The following SLC4A7 variants were observed in gnomAD, a reference collection of about 807,000 sequenced individuals.
The protein encoded by SLC4A7 is sodium bicarbonate cotransporter 3.
In SLC4A7, 51 loss-of-function variants were observed where a neutral mutation model predicts 137.6. That is an observed-to-expected ratio of 0.37 (90% CI 0.30 to 0.47). The LOEUF (loss-of-function observed/expected upper bound fraction) is 0.47. Among genes scored for constraint, SLC4A7 ranks in the 20% least tolerant of loss-of-function variants. The pLI is 1.00. For missense variants in SLC4A7, 1,247 were observed against 1,525.4 expected (o/e 0.82, Z 3.04); for synonymous variants, 542 against 518.6 (o/e 1.05, Z -0.61).
intron 2 of SLC4A7, among the ~76,000 whole-genome samples, chr3:27,449,298 T>C (rs2057902850): frequency 6.6e-6 from 1 of 151,266 alleles, no homozygotes; most frequent in Non-Finnish European, 1.5e-5. Flanking sequence ...CCATAGTTAG[T>C]AGAGGTCCTT....
At chr3:27,465,160 G>C (rs557944819) in intron 1 of SLC4A7, among the ~76,000 whole-genome samples, 1 of 151,584 alleles carries the variant, frequency 6.6e-6, no homozygotes, top group South Asian at 2.1e-4. Context: ...TTATCCAGGC[G>C]TGCCTGTAAT....
chr3:27,383,307 G>C, intron 23 of SLC4A7, 57 bp from the exon 24 acceptor site: 1 of 1,248,384 alleles, frequency 8.0e-7, no homozygotes, highest in Non-Finnish European at 1.2e-6. Context: ...CAAGAGAATT[G>C]ACTAATTTAT....
Position 27,431,664 on chromosome 3 carries a change from C to T in SLC4A7, c.784G>A (p.Gly262Ser). 1 of 1,553,122 alleles carries T rather than the reference C, an allele frequency of 6.4e-7. No individual in the cohort carries two copies. Among genetic ancestry groups the T allele is most frequent in the Non-Finnish European group, 8.7e-7 (1 of 1,150,074 alleles). Reference sequence around the variant, plus strand: ...AAAGAGTGGCGGGAGGCTGAAAGGCCTTCCCCTGAGATAAAACAAATAAAT... The same window carrying T: ...AAAGAGTGGCGGGAGGCTGAAAGGCTTTCCCCTGAGATAAAACAAATAAAT... The part of the protein sequence containing the change: ...DPHLLERNGE[G>S]LSASRHSLRT... The change falls in exon 7 of 26, where the codon GGC becomes AGC. Residue 262 changes from glycine to serine, a missense_variant. By Grantham distance (56) the Gly-to-Ser change is moderately conservative. This residue lies in a region of SLC4A7 where 223 missense variants were observed against 203.6 expected (regional missense o/e 1.10). Transcript: ENST00000454389.
chr3:27,402,556 T>C (rs2052877898), intron 15 of SLC4A7, among the ~76,000 whole-genome samples: 1 of 151,962 alleles, frequency 6.6e-6, no homozygotes, highest in Admixed American at 6.6e-5. Context: ...AAAAATTAGC[T>C]AGGCACGGTG....
intron 22 of SLC4A7, among the ~76,000 whole-genome samples, chr3:27,389,166 T>C (rs1033656745): frequency 1.3e-5 from 2 of 152,172 alleles, no homozygotes; most frequent in African/African-American, 4.8e-5. Context: ...GCATACACCT[T>C]CCTCTCAGTG....
chr3:27,437,991 G>A (rs1465991234), intron 3 of SLC4A7, among the ~76,000 whole-genome samples: 2 of 152,132 alleles, frequency 1.3e-5, no homozygotes, highest in African/African-American at 4.8e-5. Context: ...GAGGTCAGGA[G>A]CTCGAGACCA....
chr3:27,444,843 T>C (rs767152495), intron 3 of SLC4A7, among the ~76,000 whole-genome samples: 3 of 152,234 alleles, frequency 2.0e-5, no homozygotes, highest in Non-Finnish European at 4.4e-5. Context: ...ATATCCCTGA[T>C]AATTTTTGGA....
intron 7 of SLC4A7, 120 bp downstream of exon 7, chr3:27,431,178 G>T: frequency 1.9e-6 from 2 of 1,062,324 alleles, no homozygotes; most frequent in Non-Finnish European, 2.6e-6. Context: ...ACATGCAGAA[G>T]TCAAAATAAA....
intron 1 of SLC4A7, among the ~76,000 whole-genome samples, chr3:27,461,076 T>G (rs2150621573): frequency 6.6e-6 from 1 of 152,318 alleles, no homozygotes; most frequent in African/African-American, 2.4e-5. Context: ...AGCTGCAAGA[T>G]TCCACTGTCT....
Position 27,383,182 on chromosome 3 carries a change from C to A in SLC4A7, c.3561G>T (p.Leu1187Phe). The change falls in exon 24 of 26, where the codon TTG (leucine) becomes TTT (phenylalanine). Residue 1187 changes from leucine to phenylalanine, a missense_variant. Around this residue, in one of 6 missense-constraint regions of SLC4A7, gnomAD observed 290 missense variants for 323.8 expected, o/e 0.90. Coordinates refer to ENST00000454389, the MANE Select transcript of SLC4A7 (RefSeq NM_001321103.2). ...ATTTTAGGGCCTTGACTGGAATTTGCAAGAGACTTCCCCCTTCAAATGGAA... is the reference window on the plus strand; with the variant it reads ...ATTTTAGGGCCTTGACTGGAATTTGAAAGAGACTTCCCCCTTCAAATGGAA... ...VHLPFEGGSL[L>F]QIPVKALKYS... 1.9e-6 allele frequency: 3 copies of A among 1,612,930 alleles called. No individual in the cohort carries two copies. Among genetic ancestry groups the A allele is most frequent in the East Asian group, 4.5e-5 (2 of 44,866 alleles).
Position 27,426,253 on chromosome 3 carries a change from G to A in SLC4A7, c.1151-2101C>T, listed in dbSNP as rs555647361. The stretch of plus-strand genomic sequence containing the variant: ...CTTTCTGGAAAAGTTAAACAATTCC[G>A]AAATACAAACGATTTCCCAAGCCTC... On this transcript the variant is annotated intron_variant, in intron 7 of 25. Coordinates refer to ENST00000454389, the MANE Select transcript of SLC4A7 (RefSeq NM_001321103.2). Among the ~76,000 whole-genome samples, 9 of 152,196 alleles carry A rather than the reference G, an allele frequency of 5.9e-5. No individual in the cohort carries two copies. In the South Asian group the frequency reaches 1.0e-3, roughly 18 times the overall value.
At chr3:27,471,119 C>T (rs2059228233) in intron 1 of SLC4A7, among the ~76,000 whole-genome samples, 1 of 152,116 alleles carries the variant, frequency 6.6e-6, no homozygotes, top group South Asian at 2.1e-4. Context: ...AAAAGTTTCA[C>T]AAAACAATAT....
At chr3:27,417,181 T>C (rs1243723453) in intron 11 of SLC4A7, among the ~76,000 whole-genome samples, 1 of 152,016 alleles carries the variant, frequency 6.6e-6, no homozygotes, top group African/African-American at 2.4e-5. Flanking sequence ...CAGGCCTGAA[T>C]ACAAATGGAA....
intron 7 of SLC4A7, among the ~76,000 whole-genome samples, chr3:27,426,471 A>G (rs1166970339): frequency 2.0e-5 from 3 of 152,204 alleles, no homozygotes; most frequent in African/African-American, 7.2e-5. Flanking sequence ...AACGCAGCTG[A>G]GCATTACATA....
At chr3:27,419,095 TGA>T (rs1468880704) in intron 10 of SLC4A7, among the ~76,000 whole-genome samples, 1 of 152,156 alleles carries the variant, frequency 6.6e-6, no homozygotes, top group Admixed American at 6.5e-5. Flanking sequence ...AATGCAATGG[TGA>T]CAGGTAAGGC....
intron 12 of SLC4A7, among the ~76,000 whole-genome samples, chr3:27,411,303 TCTCTAA>T (rs2053874595): frequency 6.6e-6 from 1 of 151,976 alleles, no homozygotes; most frequent in Non-Finnish European, 1.5e-5. Context: ...TTCCCATAAT[TCTCTAA>T]CTCAATATGA....
chr3:27,411,706 T>TG lies in SLC4A7; in HGVS notation c.1701dup (p.Thr568HisfsTer4). The TG allele has an allele frequency of 6.4e-7, 1 of 1,559,954 alleles. No homozygotes were observed. The highest frequency in any genetic ancestry group is 8.7e-7 in the Non-Finnish European group (1 of 1,149,770). ...GCCTCTTTAGGAGTCTCACCCAGTG[T>TG]GGGGGTAGATCCATTGTGAAACACA... On this transcript the variant is annotated frameshift_variant, in exon 12 of 26. Coordinates refer to ENST00000454389, the MANE Select transcript of SLC4A7 (RefSeq NM_001321103.2). LOFTEE classifies it high-confidence loss of function.
At chr3:27,449,619 T>C (rs997293307) in intron 2 of SLC4A7, among the ~76,000 whole-genome samples, 2 of 152,158 alleles carry the variant, frequency 1.3e-5, no homozygotes, top group Admixed American at 6.5e-5. Flanking sequence ...TGCATTATCC[T>C]AACTTTGCAG....
At chr3:27,418,366 G>C (rs1321702614) in intron 11 of SLC4A7, 120 bp downstream of exon 11, 2 of 720,088 alleles carry the variant, frequency 2.8e-6, no homozygotes, top group Admixed American at 6.2e-5. Context: ...ATGGGGGTAA[G>C]AAGGTAAACA....
Sources: allele counts gnomAD v4.1 joint callset (sites outside exome capture counted in the v4.1 genomes callset), GRCh38; gene constraint gnomAD v4.1.1; regional missense constraint gnomAD v4.1.1; transcripts MANE v1.5; gene names NCBI Gene and HGNC (gene_info 2026-07-23, HGNC 2026-07-21).